SETD5: variants seen among roughly 807,000 people sequenced by gnomAD.
SETD5 encodes the protein SET domain containing 5, also known as histone-lysine N-methyltransferase SETD5.
Under a neutral mutation model 153.3 loss-of-function variants are expected in SETD5, and 44 were observed. That is an observed-to-expected ratio of 0.29 (90% CI 0.23 to 0.37). The LOEUF (loss-of-function observed/expected upper bound fraction) is 0.37, where lower values mean the gene tolerates loss of function less well. Among genes scored for constraint, SETD5 ranks in the 10% least tolerant of loss-of-function variants. The probability of loss-of-function intolerance (pLI) is 1.00; values close to 1 mark genes in which losing one functional copy is unlikely to be tolerated. For missense variants in SETD5, 1,544 were observed against 1,768.0 expected (o/e 0.87, Z 2.27); for synonymous variants, 716 against 645.2 (o/e 1.11, Z -1.66).
intron 16 of SETD5, among the ~76,000 whole-genome samples, chr3:9,449,793 T>G (rs1373654066): frequency 3.3e-5 from 5 of 152,322 alleles, no homozygotes; most frequent in Non-Finnish European, 2.9e-5. Flanking sequence ...TTTTCCTAAT[T>G]GCACATCTTA....
In SETD5 at chr3:9,474,441, C is replaced by T; in HGVS notation, c.3498-8C>T. On this transcript the variant is annotated splice_polypyrimidine_tract_variant and splice_region_variant and intron_variant, in intron 20 of 22. Transcript: ENST00000402198. ...GTGGCTTGAACTTGCACCCTGTTGC[C>T]TTTACAGGATGGTTCCCACATCAGT... 1 of 1,613,244 alleles carries T rather than the reference C, an allele frequency of 6.2e-7. No homozygotes were observed. The highest frequency in any genetic ancestry group is 1.3e-5 in the African/African-American group (1 of 74,980).
At chr3:9,470,382 C>G in intron 18 of SETD5, 77 bp from the exon 19 acceptor site, 2 of 1,042,402 alleles carry the variant, frequency 1.9e-6, no homozygotes, top group Non-Finnish European at 2.9e-6. Context: ...CACCTGTGTC[C>G]CTCTCCCCTC....
intron 2 of SETD5, among the ~76,000 whole-genome samples, chr3:9,425,051 G>GTTTTTTT (rs1559380190): frequency 3.3e-4 from 30 of 91,404 alleles, no homozygotes; most frequent in African/African-American, 1.1e-3. Context: ...TACCGACAAT[G>GTTTTTTT]TTTCTTTTTT....
At chr3:9,412,855 G>A (rs1024067276) in intron 1 of SETD5, among the ~76,000 whole-genome samples, 15 of 150,960 alleles carry the variant, frequency 9.9e-5, no homozygotes, top group Non-Finnish European at 1.9e-4. Flanking sequence ...GGTCATTGTC[G>A]ATACTAGATA....
Position 9,438,194 on chromosome 3 carries a change from A to G in SETD5, c.568-2262A>G, listed in dbSNP as rs2125139267. 2.0e-5 allele frequency among the ~76,000 whole-genome samples: 3 copies of G among 152,318 alleles called. No homozygotes were observed. The South Asian group carries it at 6.2e-4, about 32-fold the overall frequency. ...GGGAGAGGACTCAGAGCTACAGAGC[A>G]TCAGAGGCCTGGGATGTGTCTTGGA... On this transcript the variant is annotated intron_variant, in intron 7 of 22. Coordinates refer to ENST00000402198, the MANE Select transcript of SETD5 (RefSeq NM_001080517.3).
intron 16 of SETD5, among the ~76,000 whole-genome samples, chr3:9,451,733 A>G (rs780444943): frequency 3.9e-5 from 6 of 152,192 alleles, no homozygotes; most frequent in Non-Finnish European, 7.3e-5. Flanking sequence ...GATACGAGCT[A>G]CTGAGCCCAG....
Position 9,428,952 on chromosome 3 carries a change from T to C in SETD5, c.14T>C (p.Ile5Thr). 1 of 1,613,148 alleles carries C rather than the reference T, an allele frequency of 6.2e-7. No homozygotes were observed. Among genetic ancestry groups the C allele is most frequent in the Non-Finnish European group, 8.5e-7 (1 of 1,179,454 alleles). Residue 5 changes from isoleucine (I) to threonine (T), a missense_variant, in exon 3 of 23, where the codon ATC (isoleucine) becomes ACC (threonine). By Grantham distance (89) the Ile-to-Thr change is moderately conservative. Transcript: ENST00000402198. The stretch of plus-strand genomic sequence containing the variant: ...GTGTTGGACGTCATGAGCATTGCAA[T>C]CCCTCTGGGAGTCACCACATCAGAT... MSIA[I>T]PLGVTTSDTS...
chr3:9,404,556 G>T (rs973408911), intron 1 of SETD5, among the ~76,000 whole-genome samples: 2 of 152,016 alleles, frequency 1.3e-5, no homozygotes, highest in African/African-American at 2.4e-5. Context: ...TTATTCACAT[G>T]GATTATTTCC....
At chr3:9,451,323 T>TCA (rs1328889107) in intron 16 of SETD5, among the ~76,000 whole-genome samples, 1 of 152,206 alleles carries the variant, frequency 6.6e-6, no homozygotes. Context: ...ATACATTATC[T>TCA]CACTTACCAT....
chr3:9,453,718 T>C, intron 16 of SETD5, 21 bp from the exon 17 acceptor site: 1 of 1,567,578 alleles, frequency 6.4e-7, no homozygotes, highest in Non-Finnish European at 8.6e-7. Flanking sequence ...TTGATAATTC[T>C]CTGGTTCTTT....
intron 1 of SETD5, among the ~76,000 whole-genome samples, chr3:9,403,751 A>T (rs141490454): frequency 9.8e-5 from 15 of 152,324 alleles, no homozygotes; most frequent in African/African-American, 3.6e-4. Flanking sequence ...ACTTAGTATG[A>T]ATCATAGAGT....
rs368632604 is a variant in SETD5 at position 9,397,651 on chromosome 3, TGCCGCCGCCGCC to T, written c.-479_-468del. On this transcript the variant is annotated 5_prime_UTR_variant, in exon 1 of 23. Transcript: ENST00000402198. Reference sequence around the variant, plus strand: ...CGCTCGGGCAGCGGGCTGAGTGAGCTGCCGCCGCCGCCGCCGCCGCCGCCGCCGCCGCCGCTG... The same window carrying T: ...CGCTCGGGCAGCGGGCTGAGTGAGCTGCCGCCGCCGCCGCCGCCGCCGCTG... 1.2e-3 allele frequency: 213 copies of T among 172,380 alleles called. 5 individuals are homozygous for T. In the East Asian group the frequency reaches 0.016, roughly 13 times the overall value. The allele number at this position is 172,380 out of a possible 1,614,324, so 10.7% of individuals were successfully genotyped here.
In SETD5 at chr3:9,475,140, C is replaced by G; in HGVS notation, c.3704C>G (p.Ser1235Cys). 1 of 1,583,848 alleles carries G rather than the reference C, an allele frequency of 6.3e-7. No individual in the cohort carries two copies. Among genetic ancestry groups the G allele is most frequent in the South Asian group, 1.2e-5 (1 of 85,994 alleles). The change falls in exon 22 of 23, where the codon TCC (serine) becomes TGC (cysteine). Residue 1235 changes from serine (S) to cysteine (C), a missense_variant. Transcript: ENST00000402198. ...AAAGGAGCAACAGTTTACAGCCCTT[C>G]CAGATACAGCTACCAGGTGAGATGA... ...LSKGATVYSP[S>C]RYSYQLLQCD...
intron 2 of SETD5, among the ~76,000 whole-genome samples, chr3:9,425,204 G>C (rs1575312857): frequency 6.6e-6 from 1 of 151,818 alleles, no homozygotes; most frequent in East Asian, 1.9e-4. Flanking sequence ...TGGGATTACA[G>C]GCGTCCGCCA....
intron 1 of SETD5, among the ~76,000 whole-genome samples, chr3:9,406,480 C>T (rs916998115): frequency 2.0e-5 from 3 of 152,096 alleles, no homozygotes; most frequent in African/African-American, 4.8e-5. Context: ...CGGTGGCTCA[C>T]GCCTGTAATC....
At chr3:9,458,959 C>T (rs2043589537) in intron 17 of SETD5, among the ~76,000 whole-genome samples, 1 of 152,030 alleles carries the variant, frequency 6.6e-6, no homozygotes, top group South Asian at 2.1e-4. Context: ...AAATAGGAAC[C>T]ACTGCAATCA....
At chr3:9,462,316 G>A (rs1039004544) in intron 17 of SETD5, among the ~76,000 whole-genome samples, 26 of 152,274 alleles carry the variant, frequency 1.7e-4, no homozygotes, top group African/African-American at 5.1e-4. Context: ...AGCCAGGCGC[G>A]GTGGCTCACG....
At chr3:9,422,040 A>C (rs2038487689) in intron 1 of SETD5, among the ~76,000 whole-genome samples, 1 of 152,196 alleles carries the variant, frequency 6.6e-6, no homozygotes, top group African/African-American at 2.4e-5. Flanking sequence ...TAGTGAGAAA[A>C]AAATAACTTT....
At chr3:9,431,324 C>T (rs1391839344) in intron 3 of SETD5, 2 of 985,252 alleles carry the variant, frequency 2.0e-6, no homozygotes, top group Admixed American at 6.2e-5. Context: ...TGGAGTATAT[C>T]TGTTGTGAGC....
Sources: allele counts gnomAD v4.1 joint callset (sites outside exome capture counted in the v4.1 genomes callset), GRCh38; gene constraint gnomAD v4.1.1; transcripts MANE v1.5; gene names NCBI Gene and HGNC (gene_info 2026-07-23, HGNC 2026-07-21).